PROM1: variants seen among roughly 807,000 people sequenced by gnomAD.
The protein encoded by PROM1 is prominin-1.
In PROM1, 105 loss-of-function variants were observed where a neutral mutation model predicts 116.9. The ratio of observed to expected loss-of-function variants is 0.90; its 90% CI spans 0.77 to 1.06. PROM1 has a LOEUF of 1.06. PROM1 is among the 50% of genes least tolerant of loss of function. The probability of loss-of-function intolerance (pLI) is 0.00; values close to 1 mark genes in which losing one functional copy is unlikely to be tolerated. For missense variants in PROM1, 1,122 were observed against 1,045.2 expected (o/e 1.07, Z -1.01); for synonymous variants, 393 against 387.0 (o/e 1.02, Z -0.18).
intron 22 of PROM1, 141 bp downstream of exon 22, chr4:15,985,619 G>GGT: frequency 1.4e-6 from 1 of 702,808 alleles, no homozygotes. Context: ...CAGAAGTCTT[G>GGT]GTCCTGCACA....
At chr4:16,035,546 G>A (rs558061659) in intron 4 of PROM1, among the ~76,000 whole-genome samples, 189 bp downstream of exon 4, 1 of 152,302 alleles carries the variant, frequency 6.6e-6, no homozygotes, top group East Asian at 1.9e-4. Flanking sequence ...AGATCTTCCA[G>A]TGCTTTGTTG....
intron 14 of PROM1, among the ~76,000 whole-genome samples, chr4:15,999,298 C>A (rs896038075): frequency 6.6e-6 from 1 of 151,820 alleles, no homozygotes; most frequent in Non-Finnish European, 1.5e-5. Flanking sequence ...GGTGAAACCC[C>A]GTCTCTACTA....
chr4:16,042,041 C>T (rs767301694), intron 2 of PROM1, among the ~76,000 whole-genome samples: 5 of 152,190 alleles, frequency 3.3e-5, no homozygotes, highest in Admixed American at 6.5e-5. Context: ...CTTAAACCCC[C>T]GGCTTCAAAC....
chr4:15,980,533 A>T lies in PROM1; in HGVS notation c.2378T>A (p.Leu793Ter). 6.6e-7 allele frequency: 1 copy of T among 1,509,392 alleles called. No individual in the cohort carries two copies. Among genetic ancestry groups the T allele is most frequent in the East Asian group, 2.5e-5 (1 of 40,284 alleles). 93.5% of individuals were successfully genotyped at this position (1,509,392 alleles called of 1,614,324 possible). A position where few individuals can be genotyped will look rare whatever the true frequency, so the allele number is the denominator to read the frequency against. Residue 793 changes from leucine to a stop codon, truncating the protein, a stop_gained, in exon 24 of 28, where the codon TTG (leucine) becomes TAG (stop). Coordinates refer to ENST00000447510, the MANE Select transcript of PROM1 (RefSeq NM_006017.3). LOFTEE classifies it high-confidence loss of function. ...AGCTTTTCCTATGCCAAACCAAAAC[A>T]AATTCTAGGAAAAAAAAATCAGAAG... ...LCSYIIDPLN[L>*]FWFGIGKATV... is the part of the protein sequence containing the mutation.
chr4:16,062,041 G>A (rs1379746674), intron 2 of PROM1, among the ~76,000 whole-genome samples: 4 of 152,012 alleles, frequency 2.6e-5, no homozygotes, highest in South Asian at 2.1e-4. Flanking sequence ...ACGGGCGCCT[G>A]CCACCACGCC....
chr4:16,003,473 C>A, intron 13 of PROM1: 1 of 451,770 alleles, frequency 2.2e-6, no homozygotes. Context: ...TAGGAATGTG[C>A]CCAGTTTGTG....
At chr4:15,995,661 G>A (rs1722152364) in intron 15 of PROM1, among the ~76,000 whole-genome samples, 1 of 152,074 alleles carries the variant, frequency 6.6e-6, no homozygotes, top group South Asian at 2.1e-4. Context: ...CCCTGCCTTT[G>A]TCTGTGTCCC....
At chr4:16,017,662 A>G (rs1005950345) in intron 9 of PROM1, among the ~76,000 whole-genome samples, 1 of 152,200 alleles carries the variant, frequency 6.6e-6, no homozygotes, top group East Asian at 1.9e-4. Context: ...CTCTACTAAA[A>G]ATACGAAAAT....
intron 10 of PROM1, among the ~76,000 whole-genome samples, chr4:16,013,924 A>C (rs891992138): frequency 7.3e-6 from 1 of 137,854 alleles, no homozygotes; most frequent in African/African-American, 2.8e-5. Context: ...ATTAAAAATA[A>C]AATTAGAAAT....
Position 16,018,497 on chromosome 4 carries a change from G to T in PROM1, c.828C>A (p.Thr276=). 1 of 1,612,474 alleles carries T rather than the reference G, an allele frequency of 6.2e-7. No homozygotes were observed. Among genetic ancestry groups the T allele is most frequent in the South Asian group, 1.1e-5 (1 of 90,898 alleles). The change falls in exon 9 of 28, where the codon ACC becomes ACA. Residue 276 remains threonine, a synonymous_variant. Coordinates refer to ENST00000447510, the MANE Select transcript of PROM1 (RefSeq NM_006017.3). The part of the protein sequence containing the change: ...TKEALENMNS[T]LKSLHQQSTQ... ...TACTTTGTTGGTGCAAGCTCTTCAA[G>T]GTGCTGTTCATGTTCTCCAACGCCT... is the stretch of plus-strand genomic sequence containing the variant.
At chr4:16,081,070 T>TA (rs965978934) in intron 1 of PROM1, among the ~76,000 whole-genome samples, 2 of 150,392 alleles carry the variant, frequency 1.3e-5, no homozygotes, top group African/African-American at 4.9e-5. Flanking sequence ...TGTATATATA[T>TA]TTTTTTATTA....
At chr4:15,986,197 G>C (rs1387021500) in intron 20 of PROM1, among the ~76,000 whole-genome samples, 160 bp from the exon 21 acceptor site, 3 of 152,208 alleles carry the variant, frequency 2.0e-5, no homozygotes, top group Non-Finnish European at 2.9e-5. Flanking sequence ...CCTGAGGGCA[G>C]GGAAGGAGAT....
rs1744712676 is a variant in PROM1 at position 16,080,011 on chromosome 4, C to CACAAAAAAAA, written c.-212-3894_-212-3893insTTTTTTTTGT. 2 of 65,896 alleles carry CACAAAAAAAA rather than the reference C, an allele frequency of 3.0e-5. 1 individual carries two copies. Among genetic ancestry groups the CACAAAAAAAA allele is most frequent in the Non-Finnish European group, 5.3e-5 (2 of 38,014 alleles). 4.1% of individuals were successfully genotyped at this position (65,896 alleles called of 1,614,324 possible). On this transcript the variant is annotated intron_variant, in intron 1 of 27. Coordinates refer to ENST00000447510, the MANE Select transcript of PROM1 (RefSeq NM_006017.3). ...GCAACATAGAGAGGCCCTGTCTCTA[C>CACAAAAAAAA]AAAAAAAAAAAAAAAAAAAAAAAAA... is the stretch of plus-strand genomic sequence containing the variant.
chr4:15,998,242 G>A, intron 15 of PROM1, 143 bp downstream of exon 15: 1 of 1,262,814 alleles, frequency 7.9e-7, no homozygotes, highest in Middle Eastern at 2.9e-4. Flanking sequence ...AATTTCTACT[G>A]TGTCTTTAAA....
intron 23 of PROM1, among the ~76,000 whole-genome samples, chr4:15,980,993 ACT>A (rs1345054071): frequency 8.2e-6 from 1 of 121,562 alleles, no homozygotes; most frequent in Non-Finnish European, 1.9e-5. Context: ...ACAGAATCTC[ACT>A]CTGTCGCCCA....
chr4:15,994,108 G>A, intron 15 of PROM1, 37 bp from the exon 16 acceptor site: 1 of 1,612,626 alleles, frequency 6.2e-7, no homozygotes, highest in South Asian at 1.1e-5. Flanking sequence ...ACCTAGAAAA[G>A]CTGTTGCAGC....
chr4:16,008,872 G>C (rs1402796264), intron 12 of PROM1, 77 bp downstream of exon 12: 2 of 1,351,006 alleles, frequency 1.5e-6, no homozygotes, highest in Non-Finnish European at 2.0e-6. Flanking sequence ...AGATTATCCT[G>C]GTGCTAATGT....
At chr4:16,065,590 C>T (rs909751866) in intron 2 of PROM1, among the ~76,000 whole-genome samples, 2 of 152,224 alleles carry the variant, frequency 1.3e-5, no homozygotes, top group Non-Finnish European at 2.9e-5. Context: ...TCAACACCAT[C>T]TGCCAAACAG....
intron 8 of PROM1, 75 bp from the exon 9 acceptor site, chr4:16,018,615 T>G: frequency 7.4e-7 from 1 of 1,348,818 alleles, no homozygotes; most frequent in Non-Finnish European, 1.0e-6. Flanking sequence ...CTAAAGGGAC[T>G]TGGGATGGAC....
Sources: allele counts gnomAD v4.1 joint callset (sites outside exome capture counted in the v4.1 genomes callset), GRCh38; gene constraint gnomAD v4.1.1; transcripts MANE v1.5; gene names NCBI Gene and HGNC (gene_info 2026-07-23, HGNC 2026-07-21).